Variants in TUBGCP3 observed in about 807,000 individuals in gnomAD.
The protein encoded by TUBGCP3 is gamma-tubulin complex component 3.
In TUBGCP3, 50 loss-of-function variants were observed where a neutral mutation model predicts 123.1. The observed-to-expected ratio is 0.41, with a 90% CI of 0.32 to 0.51. The LOEUF (loss-of-function observed/expected upper bound fraction) is 0.51, where lower values mean the gene tolerates loss of function less well. TUBGCP3 is among the 20% of genes least tolerant of loss of function. TUBGCP3 has a pLI of 0.36. For synonymous variants in TUBGCP3, 405 were observed against 413.9 expected, an observed-to-expected ratio of 0.98 and a Z score of 0.26; for missense variants, 882 against 1,127.0, an observed-to-expected ratio of 0.78 and a Z score of 3.11.
In TUBGCP3 at chr13:112,526,900, C is replaced by G. The variant is rs371362068; in HGVS notation, c.1555+42G>C. The G allele has an allele frequency of 5.0e-6, 7 of 1,395,524 alleles. No homozygotes were observed. The African/African-American group carries it at 5.7e-5, about 11-fold the overall frequency. 86.4% of individuals were successfully genotyped at this position (1,395,524 alleles called of 1,614,324 possible). ...ACCATCCTCACATCATCATCAACAT[C>G]ACACCATTGCCATCATCACCACCCC... On this transcript the variant is annotated intron_variant, in intron 13 of 21. Transcript: ENST00000261965.
chr13:112,540,142 T>C (rs55799759), intron 11 of TUBGCP3, among the ~76,000 whole-genome samples: 78 of 135,020 alleles, frequency 5.8e-4, no homozygotes, highest in African/African-American at 1.8e-3. Flanking sequence ...GGAATGAGGA[T>C]GTCAATATAG....
Position 112,588,004 on chromosome 13 carries a change from G to T in TUBGCP3, c.-24C>A. On this transcript the variant is annotated 5_prime_UTR_variant, in exon 1 of 22. Coordinates refer to ENST00000261965, the MANE Select transcript of TUBGCP3 (RefSeq NM_006322.6). ...ATCCTCGCCCGGAGCCGTGCACGGT[G>T]GTCCGGGCAGAGCCGCCACTGCCGC... 1 of 1,477,326 alleles carries T rather than the reference G, an allele frequency of 6.8e-7. No homozygotes were observed. The highest frequency in any genetic ancestry group is 9.0e-7 in the Non-Finnish European group (1 of 1,111,004). 91.5% of individuals were successfully genotyped at this position (1,477,326 alleles called of 1,614,324 possible).
At chr13:112,578,496 T>A (rs994263895) in intron 1 of TUBGCP3, among the ~76,000 whole-genome samples, 1 of 137,062 alleles carries the variant, frequency 7.3e-6, no homozygotes, top group African/African-American at 2.9e-5. Context: ...GAGGCGGAGC[T>A]TGCAGTGAGC....
intron 21 of TUBGCP3, among the ~76,000 whole-genome samples, 168 bp downstream of exon 21, chr13:112,489,413 C>T (rs1217827532): frequency 1.3e-5 from 2 of 152,254 alleles, no homozygotes; most frequent in Non-Finnish European, 2.9e-5. Context: ...CCAGGCATAC[C>T]CGAGTCCCCC....
chr13:112,504,021 C>G lies in TUBGCP3; in HGVS notation c.2307+11G>C. 3 of 1,603,714 alleles carry G rather than the reference C, an allele frequency of 1.9e-6. No homozygotes were observed. Among genetic ancestry groups the G allele is most frequent in the Non-Finnish European group, 2.6e-6 (3 of 1,173,530 alleles). On this transcript the variant is annotated intron_variant, in intron 19 of 21. Coordinates refer to ENST00000261965, the MANE Select transcript of TUBGCP3 (RefSeq NM_006322.6). ...TTTGGTTTCTTGTTTCTAAGCAGGT[C>G]GGAGTCTTACCCTGGAGTCACTGTC...
chr13:112,552,895 C>T lies in TUBGCP3; in HGVS notation c.966+1162G>A, dbSNP rs1459629829. On this transcript the variant is annotated intron_variant, in intron 8 of 21. Transcript: ENST00000261965. ...GCCACGCTCTTCCCCATCAGCCATG[C>T]TCCTACTCAGCAGCCACGCTGCCAC... Among the ~76,000 whole-genome samples the T allele has an allele frequency of 4.1e-5, 6 of 147,172 alleles. No homozygotes were observed. The South Asian group carries it at 6.7e-4, about 16-fold the overall frequency.
intron 14 of TUBGCP3, among the ~76,000 whole-genome samples, chr13:112,520,394 T>TGGCG (rs2139062874): frequency 6.6e-6 from 1 of 152,148 alleles, no homozygotes; most frequent in South Asian, 2.1e-4. Context: ...CCCAGCATGG[T>TGGCG]GGCGGGCACC....
intron 13 of TUBGCP3, among the ~76,000 whole-genome samples, 176 bp downstream of exon 13, chr13:112,526,766 G>A (rs895945517): frequency 5.3e-5 from 8 of 149,998 alleles, no homozygotes; most frequent in South Asian, 2.1e-4. Flanking sequence ...ATTCATCATC[G>A]CCATCATCAC....
intron 17 of TUBGCP3, among the ~76,000 whole-genome samples, chr13:112,506,466 C>T (rs373801671): frequency 6.6e-6 from 1 of 152,212 alleles, no homozygotes; most frequent in Non-Finnish European, 1.5e-5. Context: ...TGAACTATAG[C>T]GTCCACAGTC....
At chr13:112,570,076 G>C (rs562411923) in intron 1 of TUBGCP3, among the ~76,000 whole-genome samples, 1 of 152,150 alleles carries the variant, frequency 6.6e-6, no homozygotes, top group African/African-American at 2.4e-5. Context: ...AAGTTTGGAC[G>C]GAAACAGACT....
At chr13:112,542,076 G>C (rs560529440) in intron 11 of TUBGCP3, among the ~76,000 whole-genome samples, 14 of 151,812 alleles carry the variant, frequency 9.2e-5, no homozygotes, top group Admixed American at 9.2e-4. Flanking sequence ...TGTACATGCT[G>C]GTCAAAGTAT....
At chr13:112,568,148 C>A (rs1881111236) in intron 2 of TUBGCP3, among the ~76,000 whole-genome samples, 1 of 151,106 alleles carries the variant, frequency 6.6e-6, no homozygotes, top group Non-Finnish European at 1.5e-5. Context: ...GACCCAAAGC[C>A]AAATGGACTT....
intron 11 of TUBGCP3, among the ~76,000 whole-genome samples, chr13:112,536,760 G>A (rs1467424508): frequency 6.6e-6 from 1 of 152,056 alleles, no homozygotes; most frequent in Non-Finnish European, 1.5e-5. Flanking sequence ...ATCAGATCAA[G>A]TATCTGTGAA....
intron 11 of TUBGCP3, among the ~76,000 whole-genome samples, chr13:112,539,506 G>C (rs901691763): frequency 2.0e-5 from 3 of 152,190 alleles, no homozygotes; most frequent in African/African-American, 7.2e-5. Context: ...CAATCACAAT[G>C]CATTTCTGAA....
intron 1 of TUBGCP3, among the ~76,000 whole-genome samples, chr13:112,584,633 T>C (rs9577819): frequency 0.41 from 62,237 of 152,204 alleles, 15,656 homozygotes; most frequent in South Asian, 0.6. Flanking sequence ...TTGCATATTA[T>C]GGCAATCATC....
intron 1 of TUBGCP3, among the ~76,000 whole-genome samples, chr13:112,576,599 C>T (rs1881831990): frequency 6.6e-6 from 1 of 152,082 alleles, no homozygotes; most frequent in African/African-American, 2.4e-5. Flanking sequence ...TACATCAAAG[C>T]ATCACATTGC....
At chr13:112,536,489 A>G (rs1878065523) in intron 11 of TUBGCP3, among the ~76,000 whole-genome samples, 1 of 152,220 alleles carries the variant, frequency 6.6e-6, no homozygotes, top group Admixed American at 6.5e-5. Context: ...TATTCTTTTC[A>G]GAGTACAAGT....
At chr13:112,493,353 A>T (rs1296335596) in intron 20 of TUBGCP3, among the ~76,000 whole-genome samples, 15 of 120,752 alleles carry the variant, frequency 1.2e-4, no homozygotes, top group East Asian at 2.6e-4. Context: ...CGCTCTGGCT[A>T]TGGGAACAGG....
rs1297504812 is a variant in TUBGCP3 at position 112,519,168 on chromosome 13, A to C, written c.1882-125T>G. Reference sequence around the variant, plus strand: ...AAAACTGCTCAACAGTTCTGAGTGCATCTTCTTGTTAACTTCTACAACCTC... The same window carrying C: ...AAAACTGCTCAACAGTTCTGAGTGCCTCTTCTTGTTAACTTCTACAACCTC... On this transcript the variant is annotated intron_variant, in intron 15 of 21. Transcript: ENST00000261965. The surrounding 1 kb of genome is among the most constrained non-coding windows in gnomAD (Gnocchi z 6.2). 2.7e-6 allele frequency: 2 copies of C among 734,730 alleles called. No individual in the cohort carries two copies. The highest frequency in any genetic ancestry group is 3.5e-5 in the African/African-American group (2 of 56,792). The allele number at this position is 734,730 out of a possible 1,614,324, so 45.5% of individuals were successfully genotyped here. A position where few individuals can be genotyped will look rare whatever the true frequency, so the allele number is the denominator to read the frequency against.
Sources: allele counts gnomAD v4.1 joint callset (sites outside exome capture counted in the v4.1 genomes callset), GRCh38; gene constraint gnomAD v4.1.1; non-coding constraint Gnocchi (gnomAD v3.1); transcripts MANE v1.5; gene names NCBI Gene and HGNC (gene_info 2026-07-23, HGNC 2026-07-21).